FEZ1: variants seen among roughly 807,000 people sequenced by gnomAD.
The protein encoded by FEZ1 is fasciculation and elongation protein zeta-1.
FEZ1 carries 20 observed loss-of-function variants against 49.3 expected under a neutral mutation model. That is an observed-to-expected ratio of 0.41 (90% CI 0.29 to 0.59). The LOEUF is 0.59. Ranked by LOEUF, FEZ1 falls within the 20% of genes least tolerant of loss-of-function variation. FEZ1 has a pLI of 0.36. For synonymous variants in FEZ1, 170 were observed against 180.9 expected (o/e 0.94, Z 0.48); for missense variants, 413 against 476.0 (o/e 0.87, Z 1.23).
At chr11:125,447,071 T>C (rs991185912) in intron 9 of FEZ1, among the ~76,000 whole-genome samples, 5 of 152,090 alleles carry the variant, frequency 3.3e-5, no homozygotes, top group African/African-American at 9.7e-5. Flanking sequence ...AAATAATAGA[T>C]CTAGACAGTG....
At chr11:125,480,062 C>T (rs73012099) in intron 3 of FEZ1, among the ~76,000 whole-genome samples, 3,781 of 152,214 alleles carry the variant, frequency 0.025, 81 homozygotes, top group South Asian at 0.067. Context: ...GACACATAAA[C>T]GTCCCCTTGG....
In FEZ1 at chr11:125,495,526, T is replaced by A. The variant is rs1030955429; in HGVS notation, c.-46+595A>T. The A allele has an allele frequency of 2.1e-6, 1 of 470,976 alleles. No individual in the cohort carries two copies. Among genetic ancestry groups the A allele is most frequent in the East Asian group, 6.9e-5 (1 of 14,398 alleles). The allele number at this position is 470,976 out of a possible 1,614,324, so 29.2% of individuals were successfully genotyped here. On this transcript the variant is annotated intron_variant, in intron 1 of 9. Transcript: ENST00000278919. This position sits in a 1 kb window ranked among gnomAD's most constrained non-coding sequence, Gnocchi z 4.2. Reference sequence around the variant, plus strand: ...GTAAAACAATCGCTCTCCCGGCGTCTGCGGCCGCTGCCAGCGGTTCTGACA... The same window carrying A: ...GTAAAACAATCGCTCTCCCGGCGTCAGCGGCCGCTGCCAGCGGTTCTGACA...
At chr11:125,474,237 A>T (rs571139037) in intron 3 of FEZ1, among the ~76,000 whole-genome samples, 1 of 140,274 alleles carries the variant, frequency 7.1e-6, no homozygotes, top group East Asian at 2.1e-4. Flanking sequence ...ACAGGGTTTC[A>T]CCGTGTTAGC....
At chr11:125,447,052 A>G (rs1000121669) in intron 9 of FEZ1, among the ~76,000 whole-genome samples, 1 of 152,208 alleles carries the variant, frequency 6.6e-6, no homozygotes, top group Admixed American at 6.5e-5. Flanking sequence ...TGCAGGACAA[A>G]AAACAATAAA....
At chr11:125,474,639 C>T (rs2845847) in intron 3 of FEZ1, among the ~76,000 whole-genome samples, 14,302 of 152,158 alleles carry the variant, frequency 0.094, 725 homozygotes, top group Non-Finnish European at 0.11. Context: ...CCTGTAATCC[C>T]AGCACTTTGG....
chr11:125,473,387 G>A (rs545229126), intron 3 of FEZ1, among the ~76,000 whole-genome samples: 43 of 152,272 alleles, frequency 2.8e-4, no homozygotes, highest in African/African-American at 8.9e-4. Context: ...GGAGTGCCTC[G>A]GTAGTCCCAG....
chr11:125,468,398 C>T (rs955815749), intron 3 of FEZ1, among the ~76,000 whole-genome samples: 3 of 152,170 alleles, frequency 2.0e-5, no homozygotes, highest in East Asian at 3.9e-4. Context: ...TATCTTTACC[C>T]AGGCTGGCTT....
At position 125,481,646 on chromosome 11, in the gene FEZ1, A is replaced by C; in HGVS notation, c.312-13T>G. ...AGCATCCCAAACCCTGTAAACAAAG[A>C]GAAGCTCTCATTAACACACATCTGT... On this transcript the variant is annotated splice_polypyrimidine_tract_variant and intron_variant, in intron 2 of 9. Transcript: ENST00000278919. 1 of 1,569,538 alleles carries C rather than the reference A, an allele frequency of 6.4e-7. No individual in the cohort carries two copies. Among genetic ancestry groups the C allele is most frequent in the Non-Finnish European group, 8.8e-7 (1 of 1,139,682 alleles).
Position 125,495,722 on chromosome 11 carries a change from G to A in FEZ1, c.-46+399C>T, listed in dbSNP as rs532755191. The A allele has an allele frequency of 1.3e-4, 43 of 340,402 alleles. 1 individual carries two copies. Among genetic ancestry groups the A allele is most frequent in the Admixed American group, 1.3e-3 (31 of 24,750 alleles). The allele number at this position is 340,402 out of a possible 1,614,324, so 21.1% of individuals were successfully genotyped here. ...CACTGCCCCAGCGCGATCGGGCGGCGTTCCCTTCTTCCCCCAGCCCCCATA... is the reference window on the plus strand; with the variant it reads ...CACTGCCCCAGCGCGATCGGGCGGCATTCCCTTCTTCCCCCAGCCCCCATA... On this transcript the variant is annotated intron_variant, in intron 1 of 9. Transcript: ENST00000278919. This position sits in a 1 kb window ranked among gnomAD's most constrained non-coding sequence, Gnocchi z 4.2.
intron 3 of FEZ1, among the ~76,000 whole-genome samples, chr11:125,464,683 C>T (rs1445386432): frequency 6.6e-6 from 1 of 152,028 alleles, no homozygotes; most frequent in Non-Finnish European, 1.5e-5. Flanking sequence ...AGCACATCAC[C>T]TTTTATCTCC....
intron 3 of FEZ1, among the ~76,000 whole-genome samples, chr11:125,477,926 C>T (rs2135772969): frequency 6.6e-6 from 1 of 151,318 alleles, no homozygotes; most frequent in South Asian, 2.1e-4. Context: ...GACAAGAAGG[C>T]AGGGGTCTAC....
chr11:125,472,478 CAAAT>C (rs1411292240), intron 3 of FEZ1, among the ~76,000 whole-genome samples: 2 of 151,858 alleles, frequency 1.3e-5, no homozygotes, highest in African/African-American at 2.4e-5. Context: ...AAATTATAAA[CAAAT>C]GAATGTTCAA....
Position 125,490,170 on chromosome 11 carries a change from G to A in FEZ1, c.-45-348C>T, listed in dbSNP as rs924559018. On this transcript the variant is annotated intron_variant, in intron 1 of 9. Transcript: ENST00000278919. ...CAATATTATTGAATACTTTCTGTTG[G>A]TGTTTTAGTATTATTATTTTTATTA... 1.1e-4 allele frequency among the ~76,000 whole-genome samples: 17 copies of A among 152,140 alleles called. 1 individual carries two copies. The highest frequency in any genetic ancestry group is 5.2e-4 in the Admixed American group (8 of 15,278).
At chr11:125,452,266 G>A in intron 8 of FEZ1, 68 bp downstream of exon 8, 3 of 1,068,834 alleles carry the variant, frequency 2.8e-6, no homozygotes, top group Non-Finnish European at 4.4e-6. Context: ...GCGGCACGGA[G>A]GTACAACGTA....
chr11:125,452,262 C>T lies in FEZ1; in HGVS notation c.1096+72G>A, dbSNP rs1026498679. The T allele has an allele frequency of 6.8e-6, 7 of 1,031,258 alleles. No individual in the cohort carries two copies. The African/African-American group carries it at 9.4e-5, about 14-fold the overall frequency. The allele number at this position is 1,031,258 out of a possible 1,614,324, so 63.9% of individuals were successfully genotyped here. A position where few individuals can be genotyped will look rare whatever the true frequency, so the allele number is the denominator to read the frequency against. On this transcript the variant is annotated intron_variant, in intron 8 of 9. Coordinates refer to ENST00000278919, the MANE Select transcript of FEZ1 (RefSeq NM_005103.5). ...TTTGAGGAGTCTCGGGCCTGCGGCA[C>T]GGAGGTACAACGTACAGGCAGGAAG...
At chr11:125,467,029 G>A (rs1270399362) in intron 3 of FEZ1, among the ~76,000 whole-genome samples, 3 of 120,868 alleles carry the variant, frequency 2.5e-5, no homozygotes, top group Non-Finnish European at 5.0e-5. Flanking sequence ...CACAACAACT[G>A]TGTCCCATTT....
At chr11:125,478,232 T>C (rs955837400) in intron 3 of FEZ1, among the ~76,000 whole-genome samples, 10 of 152,044 alleles carry the variant, frequency 6.6e-5, no homozygotes, top group African/African-American at 2.2e-4. Context: ...CACCTGAGGT[T>C]GGGAGTTCAA....
intron 1 of FEZ1, among the ~76,000 whole-genome samples, chr11:125,491,367 TC>T (rs1957380056): frequency 6.6e-6 from 1 of 152,098 alleles, no homozygotes; most frequent in Non-Finnish European, 1.5e-5. Flanking sequence ...GACACAGAAA[TC>T]CTCTGGATAT....
At chr11:125,488,045 G>A (rs930807092) in intron 2 of FEZ1, among the ~76,000 whole-genome samples, 4 of 146,168 alleles carry the variant, frequency 2.7e-5, no homozygotes, top group African/African-American at 7.8e-5. Context: ...GACATTTCTT[G>A]TGTGATAGCT....
Sources: allele counts gnomAD v4.1 joint callset (sites outside exome capture counted in the v4.1 genomes callset), GRCh38; gene constraint gnomAD v4.1.1; non-coding constraint Gnocchi (gnomAD v3.1); transcripts MANE v1.5; gene names NCBI Gene and HGNC (gene_info 2026-07-23, HGNC 2026-07-21).